Variants in TMC1 observed in about 807,000 individuals in gnomAD.
The protein encoded by TMC1 is transmembrane channel-like protein 1.
TMC1 carries 84 observed loss-of-function variants against 105.8 expected under a neutral mutation model. The ratio of observed to expected loss-of-function variants is 0.79; its 90% CI spans 0.67 to 0.95. TMC1 has a LOEUF of 0.95. Ranked by LOEUF, TMC1 falls within the 40% of genes least tolerant of loss-of-function variation. The pLI, the probability that TMC1 is intolerant of heterozygous loss-of-function variation, is 0.00. For missense variants in TMC1, 817 were observed against 914.1 expected (o/e 0.89, Z 1.37); for synonymous variants, 315 against 311.5 (o/e 1.01, Z -0.12).
intron 4 of TMC1, among the ~76,000 whole-genome samples, chr9:72,634,972 T>C (rs1207876764): frequency 6.6e-6 from 1 of 152,142 alleles, no homozygotes; most frequent in Non-Finnish European, 1.5e-5. Flanking sequence ...AAAAATGTTC[T>C]TAAGCCAGGT....
intron 5 of TMC1, among the ~76,000 whole-genome samples, chr9:72,681,974 A>G (rs1057285837): frequency 7.2e-5 from 11 of 152,134 alleles, no homozygotes; most frequent in African/African-American, 2.7e-4. Flanking sequence ...TCAGAAAATG[A>G]GTGTAATCTA....
At chr9:72,550,295 C>G (rs1348399575) in intron 1 of TMC1, among the ~76,000 whole-genome samples, 1 of 151,862 alleles carries the variant, frequency 6.6e-6, no homozygotes, top group Admixed American at 6.6e-5. Flanking sequence ...TGGTGAAACC[C>G]TGTCTCTACT....
chr9:72,528,175 G>A (rs1192237368), intron 1 of TMC1, among the ~76,000 whole-genome samples: 2 of 152,164 alleles, frequency 1.3e-5, no homozygotes, highest in African/African-American at 2.4e-5. Flanking sequence ...CAGAGAGCTA[G>A]CTAGCTCCTT....
intron 1 of TMC1, among the ~76,000 whole-genome samples, chr9:72,548,788 C>G (rs1435490600): frequency 2.0e-5 from 3 of 152,008 alleles, no homozygotes; most frequent in Non-Finnish European, 4.4e-5. Flanking sequence ...GAGTTGGAGA[C>G]CAACCTGGGC....
chr9:72,769,753 A>G (rs1020538959), intron 12 of TMC1, among the ~76,000 whole-genome samples: 7 of 152,212 alleles, frequency 4.6e-5, no homozygotes, highest in African/African-American at 1.7e-4. Flanking sequence ...GTTACTTGTC[A>G]CAGCAACCAT....
At chr9:72,643,760 A>T (rs1270312241) in intron 4 of TMC1, among the ~76,000 whole-genome samples, 1 of 152,168 alleles carries the variant, frequency 6.6e-6, no homozygotes, top group Non-Finnish European at 1.5e-5. Context: ...CTGTATAGGG[A>T]CATATGCTTT....
At chr9:72,536,763 C>T (rs941872537) in intron 1 of TMC1, among the ~76,000 whole-genome samples, 32 of 152,326 alleles carry the variant, frequency 2.1e-4, no homozygotes, top group East Asian at 1.5e-3. Flanking sequence ...GTGCAGCCCA[C>T]GTGACTGCTC....
chr9:72,535,994 G>A (rs1823576179), intron 1 of TMC1, among the ~76,000 whole-genome samples: 1 of 152,156 alleles, frequency 6.6e-6, no homozygotes, highest in African/African-American at 2.4e-5. Context: ...ATTTCAACAT[G>A]AGGTTTGAAG....
intron 5 of TMC1, among the ~76,000 whole-genome samples, chr9:72,686,674 A>G (rs1314368520): frequency 6.6e-6 from 1 of 152,228 alleles, no homozygotes; most frequent in Non-Finnish European, 1.5e-5. Flanking sequence ...ACTATAAAAC[A>G]TGACTGTTCC....
intron 3 of TMC1, among the ~76,000 whole-genome samples, chr9:72,623,996 TC>T (rs1207071778): frequency 6.6e-6 from 1 of 152,262 alleles, no homozygotes; most frequent in African/African-American, 2.4e-5. Context: ...AAATCCATAC[TC>T]AGAATATGTG....
intron 1 of TMC1, among the ~76,000 whole-genome samples, chr9:72,533,022 C>G (rs1186253837): frequency 6.6e-6 from 1 of 152,172 alleles, no homozygotes; most frequent in Non-Finnish European, 1.5e-5. Flanking sequence ...GATGGCTTAG[C>G]ATACATGTAG....
intron 5 of TMC1, among the ~76,000 whole-genome samples, chr9:72,650,890 A>ATATC (rs1564468483): frequency 6.4e-5 from 9 of 139,642 alleles, no homozygotes; most frequent in African/African-American, 2.4e-4. Context: ...ATAGATATAT[A>ATATC]GATATATATA....
At chr9:72,664,134 C>G (rs1241932844) in intron 5 of TMC1, among the ~76,000 whole-genome samples, 5 of 152,184 alleles carry the variant, frequency 3.3e-5, no homozygotes, top group East Asian at 1.9e-4. Flanking sequence ...GGAGTACACT[C>G]TAAAATAACG....
chr9:72,695,772 C>T (rs1826540257), intron 7 of TMC1, among the ~76,000 whole-genome samples: 1 of 152,134 alleles, frequency 6.6e-6, no homozygotes, highest in Non-Finnish European at 1.5e-5. Flanking sequence ...ATAAGAATAA[C>T]ACCATCTACT....
intron 5 of TMC1, among the ~76,000 whole-genome samples, chr9:72,686,012 G>A (rs1216125985): frequency 1.3e-5 from 2 of 152,184 alleles, no homozygotes; most frequent in African/African-American, 4.8e-5. Context: ...CTATGCCTCT[G>A]AAATGTGACA....
At chr9:72,762,604 T>C (rs761349847) in intron 12 of TMC1, among the ~76,000 whole-genome samples, 5 of 152,238 alleles carry the variant, frequency 3.3e-5, no homozygotes, top group African/African-American at 7.2e-5. Flanking sequence ...GCGAGACTGC[T>C]AAGCCTCTTG....
chr9:72,788,431 G>T lies in TMC1; in HGVS notation c.977G>T (p.Gly326Val). Reference protein sequence around the residue: ...KVFTSWDYLIGNPETADNKFN... With the variant: ...KVFTSWDYLIVNPETADNKFN... ...TTTACCAGCTGGGACTACCTGATCG[G>T]CAATCCTGAAACAGCAGACAACAAA... Residue 326 changes from glycine (G) to valine (V), a missense_variant, in exon 14 of 24, where the codon GGC becomes GTC. Coordinates refer to ENST00000297784, the MANE Select transcript of TMC1 (RefSeq NM_138691.3). 6.2e-7 allele frequency: 1 copy of T among 1,613,966 alleles called. No homozygotes were observed. Among genetic ancestry groups the T allele is most frequent in the Non-Finnish European group, 8.5e-7 (1 of 1,179,924 alleles).
intron 8 of TMC1, among the ~76,000 whole-genome samples, chr9:72,735,962 G>T (rs895496482): frequency 3.9e-5 from 6 of 152,164 alleles, no homozygotes; most frequent in Non-Finnish European, 7.3e-5. Flanking sequence ...TAGCTAAAAT[G>T]GCTGTTCAGG....
chr9:72,837,759 A>T lies in TMC1; in HGVS notation c.*1786A>T, dbSNP rs534244292. 2.6e-5 allele frequency: 4 copies of T among 152,220 alleles called. No homozygotes were observed. The South Asian group carries it at 8.3e-4, about 32-fold the overall frequency. 9.4% of individuals were successfully genotyped at this position (152,220 alleles called of 1,614,324 possible). A position where few individuals can be genotyped will look rare whatever the true frequency, so the allele number is the denominator to read the frequency against. On this transcript the variant is annotated 3_prime_UTR_variant, in exon 24 of 24. Transcript: ENST00000297784. ...TGCAGTTGACTTACTGATTTCTATT[A>T]TCCTGTCTCTGAGTTTCTCATTCTT...
Sources: allele counts gnomAD v4.1 joint callset (sites outside exome capture counted in the v4.1 genomes callset), GRCh38; gene constraint gnomAD v4.1.1; transcripts MANE v1.5; gene names NCBI Gene and HGNC (gene_info 2026-07-23, HGNC 2026-07-21).